Variants in GPATCH1 observed in about 807,000 individuals in gnomAD.
GPATCH1 encodes the protein G patch domain-containing protein 1.
A neutral mutation model predicts 114.9 loss-of-function variants in GPATCH1; 73 were observed. The ratio of observed to expected loss-of-function variants is 0.64; its 90% CI spans 0.53 to 0.77. The LOEUF is 0.77. Ranked by LOEUF, GPATCH1 falls within the 30% of genes least tolerant of loss-of-function variation. GPATCH1 has a pLI of 0.00. For synonymous variants in GPATCH1, 391 were observed against 428.4 expected, an observed-to-expected ratio of 0.91 and a Z score of 1.08; for missense variants, 1,058 against 1,144.3, an observed-to-expected ratio of 0.92 and a Z score of 1.09.
intron 5 of GPATCH1, 44 bp downstream of exon 5, chr19:33,094,313 C>CT (rs58636263): frequency 0.025 from 19,466 of 793,856 alleles, no homozygotes; most frequent in Non-Finnish European, 0.031. Context: ...CTGCAGCGTA[C>CT]TTTTTTTTTT....
chr19:33,117,156 A>G (rs1972925375), intron 15 of GPATCH1, among the ~76,000 whole-genome samples: 1 of 152,128 alleles, frequency 6.6e-6, no homozygotes, highest in Non-Finnish European at 1.5e-5. Context: ...TGATCGCACC[A>G]TTGCTTTCCA....
chr19:33,084,993 G>C (rs1972521029), intron 1 of GPATCH1, among the ~76,000 whole-genome samples: 1 of 151,878 alleles, frequency 6.6e-6, no homozygotes, highest in African/African-American at 2.4e-5. Flanking sequence ...TCTGTTTACT[G>C]GTGGGAGTCA....
intron 10 of GPATCH1, among the ~76,000 whole-genome samples, chr19:33,109,413 T>A (rs10423965): frequency 6.6e-6 from 1 of 151,790 alleles, no homozygotes; most frequent in South Asian, 2.1e-4. Context: ...GGCTACTCGG[T>A]GGGGATGAGA....
intron 3 of GPATCH1, among the ~76,000 whole-genome samples, chr19:33,091,478 G>T (rs1203139329): frequency 6.6e-6 from 1 of 150,884 alleles, no homozygotes; most frequent in Non-Finnish European, 1.5e-5. Context: ...TATCCATGGT[G>T]CTGGGTCTGC....
chr19:33,123,277 G>A (rs563248861), intron 17 of GPATCH1, among the ~76,000 whole-genome samples: 6 of 151,898 alleles, frequency 4.0e-5, no homozygotes, highest in African/African-American at 1.4e-4. Context: ...GCACATGGCT[G>A]TAATCCCAGC....
intron 9 of GPATCH1, among the ~76,000 whole-genome samples, chr19:33,105,916 C>T (rs1376119702): frequency 6.6e-6 from 1 of 152,012 alleles, no homozygotes; most frequent in Non-Finnish European, 1.5e-5. Flanking sequence ...GGCGCAATCT[C>T]AGCTCACTGC....
intron 16 of GPATCH1, among the ~76,000 whole-genome samples, chr19:33,118,304 G>A (rs1972939394): frequency 6.7e-6 from 1 of 149,412 alleles, no homozygotes; most frequent in Non-Finnish European, 1.5e-5. Flanking sequence ...TCAGCCTCCT[G>A]AGTAGCTGGG....
At position 33,117,827 on chromosome 19, in the gene GPATCH1, C is replaced by T. The variant is rs2287681; in HGVS notation, c.2199C>T (p.Thr733=). 7.5e-6 allele frequency: 12 copies of T among 1,609,968 alleles called. No individual in the cohort carries two copies. Among genetic ancestry groups the T allele is most frequent in the East Asian group, 2.2e-5 (1 of 44,836 alleles). ...EHAPELSANQ[T]VNKDVDAQAE... is the part of the protein sequence containing the mutation. ...CTCTTATTTCACTGTCAATACAGAC[C>T]GTCAACAAAGATGTGGACGCACAGG... The change falls in exon 16 of 20, where the codon ACC becomes ACT. Residue 733 remains threonine (T), a splice_region_variant and synonymous_variant. Coordinates refer to ENST00000170564, the MANE Select transcript of GPATCH1 (RefSeq NM_018025.3).
chr19:33,109,531 G>T (rs182036919), intron 10 of GPATCH1, among the ~76,000 whole-genome samples, 186 bp from the exon 11 acceptor site: 169 of 151,992 alleles, frequency 1.1e-3, no homozygotes, highest in African/African-American at 2.6e-3. Flanking sequence ...ATAATAATAA[G>T]AAGAAGAATC....
intron 17 of GPATCH1, among the ~76,000 whole-genome samples, chr19:33,120,094 A>G (rs1205840639): frequency 2.9e-5 from 4 of 138,268 alleles, no homozygotes; most frequent in Non-Finnish European, 6.1e-5. Context: ...AAATATTTAA[A>G]ATAAATATAT....
intron 1 of GPATCH1, among the ~76,000 whole-genome samples, chr19:33,081,603 AAAC>A (rs1972477337): frequency 6.6e-6 from 1 of 152,112 alleles, no homozygotes; most frequent in South Asian, 2.1e-4. Context: ...CCGAGGAAGA[AAAC>A]AACCATGAGC....
At chr19:33,118,155 G>T in intron 16 of GPATCH1, 114 bp downstream of exon 16, 5 of 597,650 alleles carry the variant, frequency 8.4e-6, no homozygotes, top group Non-Finnish European at 1.2e-5. Context: ...TCAATGATAT[G>T]TAATCTTTTA....
intron 17 of GPATCH1, among the ~76,000 whole-genome samples, chr19:33,120,984 C>A (rs1255422777): frequency 6.8e-6 from 1 of 147,826 alleles, no homozygotes; most frequent in Non-Finnish European, 1.5e-5. Flanking sequence ...AGCAAGACTC[C>A]GTCTCAAAAA....
At chr19:33,110,205 A>G (rs1480719061) in intron 11 of GPATCH1, among the ~76,000 whole-genome samples, 189 bp downstream of exon 11, 3 of 152,220 alleles carry the variant, frequency 2.0e-5, no homozygotes, top group Non-Finnish European at 4.4e-5. Flanking sequence ...CAGTTGGCTT[A>G]TGTTCCTCCA....
intron 17 of GPATCH1, among the ~76,000 whole-genome samples, chr19:33,121,309 T>C (rs931163366): frequency 1.3e-4 from 18 of 140,378 alleles, no homozygotes; most frequent in African/African-American, 5.0e-4. Flanking sequence ...TTTTTCTTTT[T>C]CTTTTCTTTT....
chr19:33,095,692 G>T (rs572652763), intron 5 of GPATCH1, 70 bp from the exon 6 acceptor site: 10 of 1,034,200 alleles, frequency 9.7e-6, no homozygotes, highest in Middle Eastern at 2.0e-4. Context: ...GTGATCCACC[G>T]CGCCCGGCCT....
chr19:33,088,967 A>G (rs1460522777), intron 2 of GPATCH1, among the ~76,000 whole-genome samples: 2 of 152,168 alleles, frequency 1.3e-5, no homozygotes, highest in Non-Finnish European at 2.9e-5. Context: ...TTCTCTGAAC[A>G]TACACTGTAA....
chr19:33,106,409 A>G (rs531287450), intron 9 of GPATCH1, among the ~76,000 whole-genome samples: 5 of 152,246 alleles, frequency 3.3e-5, no homozygotes, highest in South Asian at 4.2e-4. Context: ...TGTCATCTTT[A>G]TAGTTCTTAT....
chr19:33,086,702 C>T lies in GPATCH1; in HGVS notation c.74-1432C>T, dbSNP rs1211896107. Among the ~76,000 whole-genome samples the T allele has an allele frequency of 3.3e-5, 5 of 152,148 alleles. No homozygotes were observed. In the East Asian group the frequency reaches 9.6e-4, roughly 29 times the overall value. On this transcript the variant is annotated intron_variant, in intron 1 of 19. Transcript: ENST00000170564. ...AACTCCTGACCTCAGGTGATCCACCCGCCTCAGCCTCTCAAAGTGCTGGGA... is the reference window on the plus strand; with the variant it reads ...AACTCCTGACCTCAGGTGATCCACCTGCCTCAGCCTCTCAAAGTGCTGGGA...
Sources: gnomAD v4.1 joint callset for allele counts (sites outside exome capture counted in the v4.1 genomes callset) on GRCh38, gnomAD v4.1.1 for gene constraint, MANE v1.5 for transcripts, NCBI Gene and HGNC (gene_info 2026-07-23, HGNC 2026-07-21) for gene names.